The following MPP7 variants were observed in gnomAD, a reference collection of about 807,000 sequenced individuals.
MPP7 encodes MAGUK p55 subfamily member 7.
Under a neutral mutation model 76.5 loss-of-function variants are expected in MPP7, and 60 were observed. The observed-to-expected ratio is 0.78, with a 90% CI of 0.64 to 0.97. MPP7 has a LOEUF of 0.97. MPP7 is among the 50% of genes least tolerant of loss of function. The pLI is 0.00. For synonymous variants in MPP7, 237 were observed against 244.5 expected (o/e 0.97, Z 0.29); for missense variants, 641 against 694.0 (o/e 0.92, Z 0.86).
At chr10:28,276,648 T>C (rs149454906) in intron 1 of MPP7, among the ~76,000 whole-genome samples, 30 of 152,224 alleles carry the variant, frequency 2.0e-4, no homozygotes, top group Non-Finnish European at 3.5e-4. Flanking sequence ...TGGGTGCGTT[T>C]GTTTTCAGGA....
At chr10:28,263,771 G>C (rs1043800882) in intron 1 of MPP7, among the ~76,000 whole-genome samples, 1 of 152,140 alleles carries the variant, frequency 6.6e-6, no homozygotes, top group Admixed American at 6.6e-5. Context: ...TGAAACATCC[G>C]ACACATGTGG....
intron 3 of MPP7, among the ~76,000 whole-genome samples, chr10:28,176,875 C>A (rs1429965358): frequency 5.9e-5 from 1 of 16,972 alleles, no homozygotes; most frequent in Non-Finnish European, 1.1e-4. Flanking sequence ...CGGAGCCTGT[C>A]GTGGGGTGGG....
At chr10:28,311,592 T>G (rs549337030) in intron 2 of MPP7, among the ~76,000 whole-genome samples, 1 of 152,258 alleles carries the variant, frequency 6.6e-6, no homozygotes, top group African/African-American at 2.4e-5. Context: ...TTGATTGAAA[T>G]ATACATATAG....
At chr10:28,301,733 T>C (rs1357741019) in intron 1 of MPP7, among the ~76,000 whole-genome samples, 1 of 152,144 alleles carries the variant, frequency 6.6e-6, no homozygotes, top group Non-Finnish European at 1.5e-5. Context: ...TGGCATACTA[T>C]ATAATTGATA....
chr10:28,185,434 T>C (rs1444482675), intron 3 of MPP7, among the ~76,000 whole-genome samples: 4 of 151,986 alleles, frequency 2.6e-5, no homozygotes, highest in Non-Finnish European at 5.9e-5. Context: ...TACCTGACTG[T>C]CCATAACTGA....
At chr10:28,110,887 T>A (rs1834485394) in intron 11 of MPP7, among the ~76,000 whole-genome samples, 1 of 152,182 alleles carries the variant, frequency 6.6e-6, no homozygotes, top group Non-Finnish European at 1.5e-5. Context: ...AATGTATTAT[T>A]TCAGATTACA....
intron 2 of MPP7, among the ~76,000 whole-genome samples, chr10:28,210,836 T>C (rs1442453597): frequency 3.3e-5 from 5 of 152,220 alleles, no homozygotes. Context: ...AGCCGGTTCA[T>C]TAAGCCATCT....
intron 13 of MPP7, among the ~76,000 whole-genome samples, chr10:28,060,413 A>G (rs1352511856): frequency 1.3e-5 from 2 of 152,216 alleles, no homozygotes; most frequent in Non-Finnish European, 2.9e-5. Flanking sequence ...CAGTGCTGAC[A>G]TGGCAAATGT....
chr10:28,207,350 G>A (rs926904225), intron 2 of MPP7, among the ~76,000 whole-genome samples: 7 of 152,140 alleles, frequency 4.6e-5, no homozygotes, highest in Admixed American at 6.5e-5. Flanking sequence ...TGATTGATAC[G>A]TACAAGAACT....
At chr10:28,132,888 GCACCTA>G (rs1835239322) in intron 5 of MPP7, among the ~76,000 whole-genome samples, 1 of 121,762 alleles carries the variant, frequency 8.2e-6, no homozygotes, top group Non-Finnish European at 2.1e-5. Context: ...ATGAGCCACT[GCACCTA>G]GTGCATATCC....
At chr10:28,067,352 C>G (rs558942554) in intron 13 of MPP7, among the ~76,000 whole-genome samples, 1 of 152,262 alleles carries the variant, frequency 6.6e-6, no homozygotes, top group South Asian at 2.1e-4. Flanking sequence ...TCTAAAATTA[C>G]TCTTAAAATA....
At chr10:28,253,456 A>C (rs1476136276) in intron 1 of MPP7, among the ~76,000 whole-genome samples, 1 of 152,156 alleles carries the variant, frequency 6.6e-6, no homozygotes, top group South Asian at 2.1e-4. Context: ...CCAGGGCCAC[A>C]CTCCAGGTTT....
At chr10:28,131,474 G>T in intron 6 of MPP7, 86 bp downstream of exon 6, 1 of 1,128,024 alleles carries the variant, frequency 8.9e-7, no homozygotes, top group Non-Finnish European at 1.2e-6. Context: ...CATAGAGGAA[G>T]TATATTTTAA....
intron 2 of MPP7, among the ~76,000 whole-genome samples, chr10:28,221,859 T>C (rs913528891): frequency 1.3e-5 from 2 of 152,210 alleles, no homozygotes; most frequent in African/African-American, 2.4e-5. Context: ...ATGTGAGTGC[T>C]AGCAAATAAA....
chr10:28,140,984 T>C (rs977523145), intron 5 of MPP7, among the ~76,000 whole-genome samples: 1 of 152,080 alleles, frequency 6.6e-6, no homozygotes, highest in Non-Finnish European at 1.5e-5. Context: ...CAGCACAACT[T>C]TGGTCTCAGG....
At chr10:28,252,575 G>A (rs1157465829) in intron 1 of MPP7, among the ~76,000 whole-genome samples, 1 of 152,148 alleles carries the variant, frequency 6.6e-6, no homozygotes, top group Non-Finnish European at 1.5e-5. Context: ...CTCCATCTAG[G>A]TCCCCCGTTT....
At chr10:28,055,709 G>A (rs1254323698) in intron 16 of MPP7, among the ~76,000 whole-genome samples, 1 of 152,112 alleles carries the variant, frequency 6.6e-6, no homozygotes, top group African/African-American at 2.4e-5. Context: ...AAGGAGACAA[G>A]CAAGGCACAT....
At chr10:28,055,944 G>A (rs927981186) in intron 16 of MPP7, among the ~76,000 whole-genome samples, 2 of 152,158 alleles carry the variant, frequency 1.3e-5, no homozygotes, top group African/African-American at 4.8e-5. Flanking sequence ...CAAAAGGTAT[G>A]TACCTAAATA....
chr10:28,251,556 TA>T (rs1839614578), intron 1 of MPP7, among the ~76,000 whole-genome samples: 2 of 152,146 alleles, frequency 1.3e-5, no homozygotes, highest in Admixed American at 6.5e-5. Context: ...CCCTAAGAAA[TA>T]ATCATACAAG....
Sources: allele counts gnomAD v4.1 joint callset (sites outside exome capture counted in the v4.1 genomes callset), GRCh38; gene constraint gnomAD v4.1.1; transcripts MANE v1.5; gene names NCBI Gene and HGNC (gene_info 2026-07-23, HGNC 2026-07-21).